The following EXT2 variants were observed in gnomAD, a reference collection of about 807,000 sequenced individuals.
EXT2 encodes exostosin-2.
EXT2 carries 53 observed loss-of-function variants against 81.6 expected under a neutral mutation model. The ratio of observed to expected loss-of-function variants is 0.65; its 90% CI spans 0.52 to 0.82. EXT2 has a LOEUF of 0.82. Ranked by LOEUF, EXT2 falls within the 40% of genes least tolerant of loss-of-function variation. EXT2 has a pLI of 0.00. For synonymous variants in EXT2, 320 were observed against 340.0 expected (o/e 0.94, Z 0.65); for missense variants, 774 against 910.2 (o/e 0.85, Z 1.93).
At chr11:44,112,599 G>A (rs545673433) in intron 3 of EXT2, among the ~76,000 whole-genome samples, 1 of 152,330 alleles carries the variant, frequency 6.6e-6, no homozygotes, top group East Asian at 1.9e-4. Flanking sequence ...GTGCATGCCA[G>A]TAGCAGGGCT....
At chr11:44,102,746 A>G (rs1219011814) in intron 1 of EXT2, among the ~76,000 whole-genome samples, 5 of 151,898 alleles carry the variant, frequency 3.3e-5, no homozygotes, top group Admixed American at 2.0e-4. Flanking sequence ...TAATTTGCCT[A>G]TGCTGTTGGG....
Position 44,250,204 on chromosome 11 carries a change from A to T in EXT2, c.*5917A>T, listed in dbSNP as rs970305202. Among the ~76,000 whole-genome samples, 1 of 152,188 alleles carries T rather than the reference A, an allele frequency of 6.6e-6. No individual in the cohort carries two copies. The highest frequency in any genetic ancestry group is 1.5e-5 in the Non-Finnish European group (1 of 68,024). ...GGGAGTTCTTGAGCTTGGTAAGATG[A>T]TGTGAGTCCATCAGTGGCCCAGGAC... is the stretch of plus-strand genomic sequence containing the variant. On this transcript the variant is annotated 3_prime_UTR_variant, in exon 14 of 14. Coordinates refer to ENST00000533608, the MANE Select transcript of EXT2 (RefSeq NM_207122.2).
At chr11:44,146,671 C>T (rs1404773351) in intron 7 of EXT2, among the ~76,000 whole-genome samples, 1 of 152,172 alleles carries the variant, frequency 6.6e-6, no homozygotes, top group Non-Finnish European at 1.5e-5. Context: ...CCCTAATCAC[C>T]ACAGGGTAAG....
At chr11:44,140,079 G>A (rs1482627694) in intron 7 of EXT2, among the ~76,000 whole-genome samples, 1 of 152,174 alleles carries the variant, frequency 6.6e-6, no homozygotes, top group African/African-American at 2.4e-5. Flanking sequence ...GTTTTCCAAG[G>A]GCTTTTATTT....
chr11:44,167,860 G>C (rs992499982), intron 7 of EXT2, among the ~76,000 whole-genome samples: 1 of 152,004 alleles, frequency 6.6e-6, no homozygotes, highest in Non-Finnish European at 1.5e-5. Flanking sequence ...CATGTGCACA[G>C]TGTGCAGGTT....
At chr11:44,142,962 A>C (rs1463208334) in intron 7 of EXT2, among the ~76,000 whole-genome samples, 1 of 152,124 alleles carries the variant, frequency 6.6e-6, no homozygotes, top group Non-Finnish European at 1.5e-5. Flanking sequence ...TATTTACTTA[A>C]ATTTTTTGAA....
chr11:44,114,063 T>G (rs1007749613), intron 3 of EXT2, 122 bp from the exon 4 acceptor site: 11 of 891,478 alleles, frequency 1.2e-5, no homozygotes, highest in African/African-American at 1.1e-4. Context: ...TATAGAAAAC[T>G]GACTCTGTAA....
Position 44,244,378 on chromosome 11 carries a change from A to C in EXT2, c.*91A>C. On this transcript the variant is annotated 3_prime_UTR_variant, in exon 14 of 14. Coordinates refer to ENST00000533608, the MANE Select transcript of EXT2 (RefSeq NM_207122.2). ...ACTCTGATGTCAGAGTAGTAGGTTA[A>C]GGGTGGAAGGTTGACCTACTTGGAT... 1 of 1,456,026 alleles carries C rather than the reference A, an allele frequency of 6.9e-7. No homozygotes were observed. The highest frequency in any genetic ancestry group is 9.6e-7 in the Non-Finnish European group (1 of 1,039,686). 90.2% of individuals were successfully genotyped at this position (1,456,026 alleles called of 1,614,324 possible).
rs868482302 is a variant in EXT2 at position 44,107,943 on chromosome 11, C to T, written c.231C>T (p.Ile77=). ...TTAGGCTGCCAGCCGACAGTCCCATCCCAGAGCGGGGGGATCTCAGTTGCA... is the reference window on the plus strand; with the variant it reads ...TTAGGCTGCCAGCCGACAGTCCCATTCCAGAGCGGGGGGATCTCAGTTGCA... ...PVVRLPADSP[I]PERGDLSCRM... Residue 77 remains isoleucine (I), a synonymous_variant, in exon 2 of 14, where the codon ATC becomes ATT. Coordinates refer to ENST00000533608, the MANE Select transcript of EXT2 (RefSeq NM_207122.2). 1 of 1,614,202 alleles carries T rather than the reference C, an allele frequency of 6.2e-7. No individual in the cohort carries two copies. Among genetic ancestry groups the T allele is most frequent in the Non-Finnish European group, 8.5e-7 (1 of 1,180,044 alleles).
In EXT2 at chr11:44,250,881, A is replaced by G. The variant is rs1480826343; in HGVS notation, c.*6594A>G. ...AGCGTCACTGCCTGCTTAGAAGTAAAGTTATGTTTCTCATTAAGGGGATAA... is the reference window on the plus strand; with the variant it reads ...AGCGTCACTGCCTGCTTAGAAGTAAGGTTATGTTTCTCATTAAGGGGATAA... On this transcript the variant is annotated 3_prime_UTR_variant, in exon 14 of 14. Coordinates refer to ENST00000533608, the MANE Select transcript of EXT2 (RefSeq NM_207122.2). Among the ~76,000 whole-genome samples the G allele has an allele frequency of 6.6e-6, 1 of 152,214 alleles. No homozygotes were observed. The highest frequency in any genetic ancestry group is 1.5e-5 in the Non-Finnish European group (1 of 68,042).
chr11:44,106,888 C>G (rs1250112771), intron 1 of EXT2, among the ~76,000 whole-genome samples: 1 of 152,216 alleles, frequency 6.6e-6, no homozygotes, highest in East Asian at 1.9e-4. Context: ...CTTGGCCTCC[C>G]AAGGTGCTGG....
intron 12 of EXT2, among the ~76,000 whole-genome samples, 195 bp from the exon 13 acceptor site, chr11:44,236,098 T>G (rs1371732458): frequency 6.6e-6 from 1 of 152,176 alleles, no homozygotes; most frequent in East Asian, 1.9e-4. Flanking sequence ...CCTTTTTTAT[T>G]GGGCCCTTGT....
chr11:44,171,644 A>T lies in EXT2; in HGVS notation c.1207A>T (p.Ile403Phe). Residue 403 changes from isoleucine to phenylalanine, a missense_variant, in exon 8 of 14, where the codon ATT becomes TTT. Physicochemically the swap from Ile to Phe is conservative, Grantham distance 21 (BLOSUM62 0). This residue lies in a region of EXT2 where 626 missense variants were observed against 670.5 expected (regional missense o/e 0.93). Coordinates refer to ENST00000533608, the MANE Select transcript of EXT2 (RefSeq NM_207122.2). ...RWFWEAYFQS[I>F]KAIALATLQI... ...GTTCTGGGAAGCGTACTTCCAGTCA[A>T]TTAAAGCCATTGCCCTGGCCACCCT... 1 of 1,614,136 alleles carries T rather than the reference A, an allele frequency of 6.2e-7. No homozygotes were observed. The highest frequency in any genetic ancestry group is 8.5e-7 in the Non-Finnish European group (1 of 1,180,004).
rs780554700 is a variant in EXT2 at position 44,103,097 on chromosome 11, AT to A, written c.-30-4584del. Among the ~76,000 whole-genome samples, 24 of 152,098 alleles carry A rather than the reference AT, an allele frequency of 1.6e-4. 1 individual carries two copies. Among genetic ancestry groups the A allele is most frequent in the South Asian group, 4.1e-4 (2 of 4,824 alleles). ...CTGCCAGATGTCATTGATATTCTCT[AT>A]TGTGTTCTAAATATTTTATAGTTTT... On this transcript the variant is annotated intron_variant, in intron 1 of 13. Coordinates refer to ENST00000533608, the MANE Select transcript of EXT2 (RefSeq NM_207122.2).
chr11:44,209,218 G>A (rs1200565078), intron 10 of EXT2, among the ~76,000 whole-genome samples: 1 of 152,178 alleles, frequency 6.6e-6, no homozygotes, highest in Non-Finnish European at 1.5e-5. Context: ...AGAGCACTCT[G>A]TACCTCTTTG....
rs570238614 is a variant in EXT2, at chr11:44,250,942, T to C, written c.*6655T>C. ...TGAGGTAATTAACGAAAATTGTACA[T>C]TGGTGGCAGCACCTCCTATAGGATT... On this transcript the variant is annotated 3_prime_UTR_variant, in exon 14 of 14. Coordinates refer to ENST00000533608, the MANE Select transcript of EXT2 (RefSeq NM_207122.2). Among the ~76,000 whole-genome samples the C allele has an allele frequency of 3.5e-4, 53 of 152,360 alleles. 1 individual carries two copies. The highest frequency in any genetic ancestry group is 2.9e-3 in the Admixed American group (45 of 15,306).
intron 4 of EXT2, among the ~76,000 whole-genome samples, chr11:44,119,132 A>T (rs1190735493): frequency 3.8e-5 from 1 of 25,990 alleles, no homozygotes. Context: ...ATTTATATAT[A>T]TATATATATA....
chr11:44,206,665 A>G, intron 9 of EXT2, 128 bp from the exon 10 acceptor site: 1 of 921,316 alleles, frequency 1.1e-6, no homozygotes, highest in Non-Finnish European at 1.7e-6. Flanking sequence ...ACACAGTTCT[A>G]CCTTTGGATT....
intron 8 of EXT2, among the ~76,000 whole-genome samples, chr11:44,189,895 G>C (rs950720455): frequency 1.3e-5 from 2 of 152,216 alleles, no homozygotes; most frequent in Non-Finnish European, 2.9e-5. Flanking sequence ...TTGCAAGTCA[G>C]CATGTGCCTG....
Sources: allele counts gnomAD v4.1 joint callset (sites outside exome capture counted in the v4.1 genomes callset), GRCh38; gene constraint gnomAD v4.1.1; regional missense constraint gnomAD v4.1.1; transcripts MANE v1.5; gene names NCBI Gene and HGNC (gene_info 2026-07-23, HGNC 2026-07-21).